FBXL17: variants seen among roughly 807,000 people sequenced by gnomAD.
The protein encoded by FBXL17 is F-box and leucine rich repeat protein 17.
FBXL17 carries 22 observed loss-of-function variants against 66.2 expected under a neutral mutation model. That is an observed-to-expected ratio of 0.33 (90% CI 0.24 to 0.47). FBXL17 has a LOEUF of 0.47. Among genes scored for constraint, FBXL17 ranks in the 20% least tolerant of loss-of-function variants. The pLI is 1.00. For missense variants in FBXL17, 878 were observed against 948.2 expected (o/e 0.93, Z 0.97); for synonymous variants, 474 against 400.5 (o/e 1.18, Z -2.19).
In FBXL17 at chr5:108,112,736, G is replaced by C. The variant is rs1223752841; in HGVS notation, c.1745+73381C>G. Among the ~76,000 whole-genome samples the C allele has an allele frequency of 4.7e-5, 7 of 148,652 alleles. No individual in the cohort carries two copies. In the South Asian group the frequency reaches 1.1e-3, roughly 24 times the overall value. ...AGAAGGAATGCATGAACATGATCAA[G>C]AGTGAAATGAAAGTTGTAAAAAGAT... On this transcript the variant is annotated intron_variant, in intron 6 of 8. Coordinates refer to ENST00000542267, the MANE Select transcript of FBXL17 (RefSeq NM_001163315.3).
intron 7 of FBXL17, among the ~76,000 whole-genome samples, chr5:107,950,533 G>C (rs1751463508): frequency 6.6e-6 from 1 of 152,182 alleles, no homozygotes; most frequent in East Asian, 1.9e-4. Flanking sequence ...GCAAAAAGCA[G>C]AACGTCCCAC....
intron 7 of FBXL17, among the ~76,000 whole-genome samples, chr5:107,941,134 A>G (rs1411452566): frequency 6.7e-6 from 1 of 149,596 alleles, no homozygotes; most frequent in African/African-American, 2.5e-5. Context: ...AAAAAACCCC[A>G]CACACTTTTT....
chr5:108,332,179 G>C (rs754084878), intron 4 of FBXL17, among the ~76,000 whole-genome samples: 4 of 152,156 alleles, frequency 2.6e-5, no homozygotes, highest in Non-Finnish European at 4.4e-5. Context: ...ATAGGTAGAT[G>C]AAAGTTATTG....
intron 4 of FBXL17, among the ~76,000 whole-genome samples, chr5:108,339,527 C>T (rs1746740490): frequency 6.6e-6 from 1 of 150,638 alleles, no homozygotes; most frequent in African/African-American, 2.4e-5. Context: ...CTTCAAATAT[C>T]TGATTTTAAC....
chr5:108,354,885 T>TG (rs1437004248), intron 3 of FBXL17, among the ~76,000 whole-genome samples: 74 of 151,826 alleles, frequency 4.9e-4, no homozygotes, highest in African/African-American at 1.7e-3. Flanking sequence ...AAGTTTCGAG[T>TG]GAAAAAAAAC....
At chr5:108,158,505 G>A (rs1404139620) in intron 6 of FBXL17, among the ~76,000 whole-genome samples, 1 of 93,702 alleles carries the variant, frequency 1.1e-5, no homozygotes, top group East Asian at 5.2e-4. Flanking sequence ...GTGTGTGTGT[G>A]TGTCTGTGTG....
At chr5:108,134,637 G>A (rs1213936310) in intron 6 of FBXL17, among the ~76,000 whole-genome samples, 2 of 152,144 alleles carry the variant, frequency 1.3e-5, no homozygotes, top group Non-Finnish European at 2.9e-5. Flanking sequence ...TACCACAGAG[G>A]ACTAACAGTG....
At chr5:108,078,330 C>T (rs1748632991) in intron 6 of FBXL17, among the ~76,000 whole-genome samples, 1 of 152,148 alleles carries the variant, frequency 6.6e-6, no homozygotes, top group African/African-American at 2.4e-5. Flanking sequence ...AACCTCTAAC[C>T]CAAATCTCTC....
chr5:107,887,681 G>A (rs1045735098), intron 7 of FBXL17, among the ~76,000 whole-genome samples: 6 of 152,124 alleles, frequency 3.9e-5, no homozygotes, highest in African/African-American at 1.2e-4. Context: ...TTGCATTCAT[G>A]GTCCCTGCGA....
chr5:107,930,768 A>G (rs1269484448), intron 7 of FBXL17, among the ~76,000 whole-genome samples: 1 of 152,216 alleles, frequency 6.6e-6, no homozygotes, highest in Non-Finnish European at 1.5e-5. Context: ...ATTATGACCT[A>G]CAGGACAAAC....
At chr5:107,896,757 A>C (rs1434231227) in intron 7 of FBXL17, among the ~76,000 whole-genome samples, 2 of 152,202 alleles carry the variant, frequency 1.3e-5, no homozygotes, top group African/African-American at 4.8e-5. Flanking sequence ...TGCCTGCCAT[A>C]CCAGAATAAA....
At chr5:108,283,303 C>T (rs1251398197) in intron 4 of FBXL17, among the ~76,000 whole-genome samples, 1 of 151,578 alleles carries the variant, frequency 6.6e-6, no homozygotes, top group Non-Finnish European at 1.5e-5. Context: ...AAGCTGATAA[C>T]AAATTACAGT....
intron 6 of FBXL17, among the ~76,000 whole-genome samples, chr5:108,159,184 G>T (rs1049169667): frequency 6.6e-6 from 1 of 152,010 alleles, no homozygotes; most frequent in Non-Finnish European, 1.5e-5. Flanking sequence ...CAAGATGTAG[G>T]TATTTTCTCA....
intron 5 of FBXL17, among the ~76,000 whole-genome samples, chr5:108,200,944 C>T (rs1192245713): frequency 6.6e-6 from 1 of 152,078 alleles, no homozygotes; most frequent in East Asian, 1.9e-4. Flanking sequence ...GATCTCAAAA[C>T]CAAACTCTAA....
intron 4 of FBXL17, among the ~76,000 whole-genome samples, chr5:108,262,974 A>C (rs898446915): frequency 6.6e-6 from 1 of 150,470 alleles, no homozygotes; most frequent in African/African-American, 2.4e-5. Context: ...ATCTGAACTT[A>C]GCTGAAAACC....
intron 4 of FBXL17, among the ~76,000 whole-genome samples, chr5:108,343,784 G>A (rs1027651963): frequency 1.3e-5 from 2 of 152,108 alleles, no homozygotes; most frequent in Non-Finnish European, 2.9e-5. Context: ...AAATTAAACT[G>A]TCAGTGGCTA....
chr5:108,257,613 G>A (rs1198199373), intron 4 of FBXL17, among the ~76,000 whole-genome samples: 1 of 151,972 alleles, frequency 6.6e-6, no homozygotes, highest in Non-Finnish European at 1.5e-5. Context: ...ATGTAATCTT[G>A]TCCACTTTAC....
In FBXL17 at chr5:107,859,578, A is replaced by C. The variant is rs1355412707; in HGVS notation, c.*2142T>G. 7.2e-6 allele frequency: 1 copy of C among 139,276 alleles called. No individual in the cohort carries two copies. The highest frequency in any genetic ancestry group is 1.5e-5 in the Non-Finnish European group (1 of 65,436). 8.6% of individuals were successfully genotyped at this position (139,276 alleles called of 1,614,324 possible). A position where few individuals can be genotyped will look rare whatever the true frequency, so the allele number is the denominator to read the frequency against. ...CACCCCCACCCCCCCAAGCTAAAGC[A>C]TGTTATAGTGCTGTACTTTAGATTC... On this transcript the variant is annotated 3_prime_UTR_variant, in exon 9 of 9. Transcript: ENST00000542267.
At chr5:107,911,114 T>G (rs1336143316) in intron 7 of FBXL17, among the ~76,000 whole-genome samples, 1 of 152,004 alleles carries the variant, frequency 6.6e-6, no homozygotes, top group African/African-American at 2.4e-5. Context: ...TAAAAAGTAG[T>G]TAAGAGAGGG....
Sources: allele counts gnomAD v4.1 joint callset (sites outside exome capture counted in the v4.1 genomes callset), GRCh38; gene constraint gnomAD v4.1.1; transcripts MANE v1.5; gene names NCBI Gene and HGNC (gene_info 2026-07-23, HGNC 2026-07-21).